Variants in LAMA1 observed in about 807,000 individuals in gnomAD.
The protein encoded by LAMA1 is laminin subunit alpha-1.
A neutral mutation model predicts 348.7 loss-of-function variants in LAMA1; 219 were observed. The ratio of observed to expected loss-of-function variants is 0.63; its 90% CI spans 0.56 to 0.70. LAMA1 has a LOEUF of 0.70. Ranked by LOEUF, LAMA1 falls within the 30% of genes least tolerant of loss-of-function variation. LAMA1 has a pLI of 0.00. For synonymous variants in LAMA1, 1,487 were observed against 1,491.0 expected (o/e 1.00, Z 0.06); for missense variants, 3,744 against 3,888.0 (o/e 0.96, Z 0.99).
intron 3 of LAMA1, among the ~76,000 whole-genome samples, chr18:7,075,076 G>C (rs28503603): frequency 7.0e-6 from 1 of 142,320 alleles, no homozygotes; most frequent in African/African-American, 2.6e-5. Flanking sequence ...TGCCAACACA[G>C]AATGCAGCTA....
At chr18:7,106,034 A>C (rs1049710344) in intron 1 of LAMA1, among the ~76,000 whole-genome samples, 3 of 152,204 alleles carry the variant, frequency 2.0e-5, no homozygotes, top group Non-Finnish European at 4.4e-5. Context: ...GTGGTCTCTA[A>C]GTGCAGGGAT....
At chr18:7,067,078 G>A (rs1173691980) in intron 3 of LAMA1, among the ~76,000 whole-genome samples, 1 of 152,126 alleles carries the variant, frequency 6.6e-6, no homozygotes, top group African/African-American at 2.4e-5. Flanking sequence ...TTTGCTGGTC[G>A]CTAGGAAGAA....
At chr18:6,985,741 T>A in intron 37 of LAMA1, 98 bp from the exon 38 acceptor site, 1 of 660,466 alleles carries the variant, frequency 1.5e-6, no homozygotes, top group Non-Finnish European at 2.6e-6. Flanking sequence ...TGCATGGGAC[T>A]CACTTTTATT....
At chr18:7,024,026 T>C (rs565947975) in intron 18 of LAMA1, among the ~76,000 whole-genome samples, 1 of 151,878 alleles carries the variant, frequency 6.6e-6, no homozygotes, top group South Asian at 2.1e-4. Context: ...TTTCTTTTTG[T>C]AGAGACAGGG....
chr18:6,980,702 C>T (rs1179950267), intron 41 of LAMA1, 65 bp from the exon 42 acceptor site: 3 of 849,858 alleles, frequency 3.5e-6, no homozygotes, highest in Non-Finnish European at 6.1e-6. Context: ...TAGGCAACAG[C>T]TTTATCATTC....
chr18:6,986,502 T>C (rs1030409622), intron 36 of LAMA1, among the ~76,000 whole-genome samples, 155 bp from the exon 37 acceptor site: 2 of 152,192 alleles, frequency 1.3e-5, no homozygotes, highest in Non-Finnish European at 2.9e-5. Context: ...AAACAATTTT[T>C]CTAAGATAGC....
At position 6,943,245 on chromosome 18, in the gene LAMA1, T is replaced by C; in HGVS notation, c.9002A>G (p.Glu3001Gly). 3.7e-6 allele frequency: 6 copies of C among 1,614,212 alleles called. No homozygotes were observed. The highest frequency in any genetic ancestry group is 5.1e-6 in the Non-Finnish European group (6 of 1,180,044). The change falls in exon 62 of 63, where the codon GAA becomes GGA. Residue 3001 changes from glutamate to glycine, a missense_variant. Glu to Gly is a moderately conservative substitution (Grantham distance 98). Transcript: ENST00000389658. ...TGAGGTAGACTGGGTGTGTGGACTT[T>C]CAGCGCCAACTGCGTTCCCGTCAAC... ...LIVDGNAVGA[E>G]SPHTQSTSVD... is the part of the protein sequence containing the mutation.
intron 5 of LAMA1, among the ~76,000 whole-genome samples, chr18:7,047,176 C>T (rs1259250118): frequency 6.6e-6 from 1 of 151,938 alleles, no homozygotes; most frequent in Non-Finnish European, 1.5e-5. Context: ...TCCTGAGTAG[C>T]TGGGATTACA....
At chr18:7,039,658 A>C (rs1598293229) in intron 10 of LAMA1, among the ~76,000 whole-genome samples, 2 of 152,254 alleles carry the variant, frequency 1.3e-5, no homozygotes. Flanking sequence ...ATACATAAGC[A>C]AATGGATACA....
intron 48 of LAMA1, among the ~76,000 whole-genome samples, chr18:6,970,953 A>C (rs2089227682): frequency 6.6e-6 from 1 of 152,170 alleles, no homozygotes. Flanking sequence ...GGGAAAAGAG[A>C]AGGCTTAAAC....
intron 14 of LAMA1, among the ~76,000 whole-genome samples, chr18:7,033,502 T>A (rs1210216104): frequency 6.6e-6 from 1 of 151,866 alleles, no homozygotes; most frequent in Non-Finnish European, 1.5e-5. Context: ...TGATGTGATT[T>A]TTGTAAATAA....
chr18:7,045,549 T>C (rs895113350), intron 6 of LAMA1, among the ~76,000 whole-genome samples: 2 of 152,110 alleles, frequency 1.3e-5, no homozygotes, highest in East Asian at 1.9e-4. Flanking sequence ...AGATAAACTG[T>C]TAAATCTTTT....
chr18:6,972,839 T>C (rs935166001), intron 47 of LAMA1, among the ~76,000 whole-genome samples: 2 of 152,130 alleles, frequency 1.3e-5, no homozygotes, highest in African/African-American at 4.8e-5. Context: ...TACAGGCATG[T>C]GCCACCACAC....
At chr18:6,948,355 G>A in intron 60 of LAMA1, 48 bp downstream of exon 60, 4 of 1,612,630 alleles carry the variant, frequency 2.5e-6, no homozygotes, top group Non-Finnish European at 2.5e-6. Context: ...TCGCTTTAGA[G>A]TACAGACTCA....
At chr18:7,037,968 T>C (rs984148514) in intron 11 of LAMA1, among the ~76,000 whole-genome samples, 5 of 151,936 alleles carry the variant, frequency 3.3e-5, no homozygotes, top group African/African-American at 1.2e-4. Context: ...CTACTCCAAA[T>C]CCAGATCCAG....
At chr18:7,036,809 A>G (rs183228959) in intron 12 of LAMA1, among the ~76,000 whole-genome samples, 1 of 152,226 alleles carries the variant, frequency 6.6e-6, no homozygotes, top group African/African-American at 2.4e-5. Context: ...GAAGCGTACC[A>G]AGCTACAAGA....
chr18:6,969,226 G>A (rs919704847), intron 48 of LAMA1, among the ~76,000 whole-genome samples: 12 of 151,828 alleles, frequency 7.9e-5, no homozygotes, highest in African/African-American at 2.4e-4. Flanking sequence ...CTCAGCCTCC[G>A]GAGTAGCTGG....
At chr18:7,000,732 A>G (rs1421077237) in intron 30 of LAMA1, among the ~76,000 whole-genome samples, 2 of 152,352 alleles carry the variant, frequency 1.3e-5, no homozygotes, top group East Asian at 1.9e-4. Flanking sequence ...CAACAATAAA[A>G]AACAAAACCA....
intron 39 of LAMA1, among the ~76,000 whole-genome samples, chr18:6,983,719 G>C (rs1004562826): frequency 1.3e-5 from 2 of 152,156 alleles, no homozygotes; most frequent in South Asian, 4.1e-4. Flanking sequence ...AGAGATTTTG[G>C]AGGAAGATCA....
Sources: allele counts gnomAD v4.1 joint callset (sites outside exome capture counted in the v4.1 genomes callset), GRCh38; gene constraint gnomAD v4.1.1; transcripts MANE v1.5; gene names NCBI Gene and HGNC (gene_info 2026-07-23, HGNC 2026-07-21).